Variants in SLC43A2 observed in about 807,000 individuals in gnomAD.
The protein encoded by SLC43A2 is solute carrier family 43 member 2.
SLC43A2 carries 38 observed loss-of-function variants against 63.2 expected under a neutral mutation model. The ratio of observed to expected loss-of-function variants is 0.60; its 90% CI spans 0.46 to 0.79. SLC43A2 has a LOEUF of 0.79. Ranked by LOEUF, SLC43A2 falls within the 30% of genes least tolerant of loss-of-function variation. The pLI, the probability that SLC43A2 is intolerant of heterozygous loss-of-function variation, is 0.00. For missense variants in SLC43A2, 644 were observed against 756.2 expected (o/e 0.85, Z 1.74); for synonymous variants, 322 against 331.0 (o/e 0.97, Z 0.30).
Position 1,593,096 on chromosome 17 carries a change from G to C in SLC43A2, c.594+91C>G, listed in dbSNP as rs1352398374. The C allele has an allele frequency of 7.9e-7, 1 of 1,271,872 alleles. No individual in the cohort carries two copies. The highest frequency in any genetic ancestry group is 1.3e-5 in the South Asian group (1 of 79,058). The allele number at this position is 1,271,872 out of a possible 1,614,324, so 78.8% of individuals were successfully genotyped here. A position where few individuals can be genotyped will look rare whatever the true frequency, so the allele number is the denominator to read the frequency against. On this transcript the variant is annotated intron_variant, in intron 6 of 13. Coordinates refer to ENST00000301335, the MANE Select transcript of SLC43A2 (RefSeq NM_152346.3). This position sits in a 1 kb window ranked among gnomAD's most constrained non-coding sequence, Gnocchi z 5.3. ...GGGGTGGTGGAGAGGGGCCACCCCG[G>C]GTGCCCACAATTGCCTCCCTCTTCA...
intron 2 of SLC43A2, among the ~76,000 whole-genome samples, chr17:1,620,647 G>T (rs1908073374): frequency 6.6e-6 from 1 of 152,080 alleles, no homozygotes; most frequent in African/African-American, 2.4e-5. Flanking sequence ...GGGCCGGGGA[G>T]GTGAGCGGCT....
At position 1,572,625 on chromosome 17, in the gene SLC43A2, G is replaced by A. The variant is rs1158785168; in HGVS notation, c.*2979C>T. ...TAGGATGGGTGACCCCTGACTAGGGGGTGGGAGTGCAGGGGGCACCCGACC... is the reference window on the plus strand; with the variant it reads ...TAGGATGGGTGACCCCTGACTAGGGAGTGGGAGTGCAGGGGGCACCCGACC... On this transcript the variant is annotated 3_prime_UTR_variant, in exon 14 of 14. Coordinates refer to ENST00000301335, the MANE Select transcript of SLC43A2 (RefSeq NM_152346.3). 1 of 152,348 alleles carries A rather than the reference G, an allele frequency of 6.6e-6. No individual in the cohort carries two copies. Among genetic ancestry groups the A allele is most frequent in the East Asian group, 1.9e-4 (1 of 5,198 alleles). 9.4% of individuals were successfully genotyped at this position (152,348 alleles called of 1,614,324 possible).
At position 1,627,936 on chromosome 17, in the gene SLC43A2, G is replaced by C; in HGVS notation, c.-46-16C>G. On this transcript the variant is annotated splice_polypyrimidine_tract_variant and intron_variant, in intron 1 of 13. Coordinates refer to ENST00000301335, the MANE Select transcript of SLC43A2 (RefSeq NM_152346.3). ...TCTGCACCACCTGCGCACAGAACTCGGCGTCAGCGGCCGGCCCTTGCCCAG... is the reference window on the plus strand; with the variant it reads ...TCTGCACCACCTGCGCACAGAACTCCGCGTCAGCGGCCGGCCCTTGCCCAG... 6.4e-6 allele frequency: 9 copies of C among 1,401,478 alleles called. No homozygotes were observed. The highest frequency in any genetic ancestry group is 6.5e-6 in the Non-Finnish European group (7 of 1,081,762). The allele number at this position is 1,401,478 out of a possible 1,614,324, so 86.8% of individuals were successfully genotyped here. A position where few individuals can be genotyped will look rare whatever the true frequency, so the allele number is the denominator to read the frequency against.
intron 11 of SLC43A2, among the ~76,000 whole-genome samples, chr17:1,580,331 G>A (rs1418926721): frequency 2.0e-5 from 3 of 152,182 alleles, no homozygotes; most frequent in Non-Finnish European, 2.9e-5. Context: ...CATGTGCACC[G>A]TGGAAGTCGG....
chr17:1,599,295 A>C (rs564830404), intron 5 of SLC43A2, among the ~76,000 whole-genome samples: 131 of 152,028 alleles, frequency 8.6e-4, no homozygotes, highest in Non-Finnish European at 1.7e-3. Flanking sequence ...AGCCAAGATC[A>C]TGCCACTGCA....
intron 2 of SLC43A2, among the ~76,000 whole-genome samples, chr17:1,621,371 C>A (rs540584754): frequency 1.2e-4 from 19 of 152,270 alleles, no homozygotes; most frequent in Admixed American, 7.9e-4. Context: ...CTTTCCGAGC[C>A]CCCCCTCCAG....
chr17:1,585,022 G>C (rs1171226971), intron 10 of SLC43A2, among the ~76,000 whole-genome samples: 1 of 151,864 alleles, frequency 6.6e-6, no homozygotes, highest in Non-Finnish European at 1.5e-5. Flanking sequence ...ACAAAGGGTT[G>C]GTGGGCTGCA....
At chr17:1,594,441 C>G (rs937802749) in intron 5 of SLC43A2, among the ~76,000 whole-genome samples, 1 of 152,190 alleles carries the variant, frequency 6.6e-6, no homozygotes, top group African/African-American at 2.4e-5. Context: ...CCTGTCCACA[C>G]CCAGCGTCCC....
Position 1,600,449 on chromosome 17 carries a change from C to A in SLC43A2, c.502-7170G>T, listed in dbSNP as rs571405525. ...TACAGGTATGAGCCACCGCGCCCTT[C>A]CAATATTTCATTTAACATAATTTCA... On this transcript the variant is annotated intron_variant, in intron 5 of 13. Coordinates refer to ENST00000301335, the MANE Select transcript of SLC43A2 (RefSeq NM_152346.3). 7.3e-4 allele frequency among the ~76,000 whole-genome samples: 109 copies of A among 150,242 alleles called. 1 individual carries two copies. The South Asian group carries it at 0.022, about 31-fold the overall frequency.
At chr17:1,591,829 A>G (rs953587533) in intron 6 of SLC43A2, 130 bp from the exon 7 acceptor site, 1 of 704,268 alleles carries the variant, frequency 1.4e-6, no homozygotes, top group Non-Finnish European at 2.4e-6. Flanking sequence ...AAAGAGGCAC[A>G]GCCCTGCCAG....
At chr17:1,597,504 A>AAAAAC (rs1905425208) in intron 5 of SLC43A2, among the ~76,000 whole-genome samples, 1 of 138,828 alleles carries the variant, frequency 7.2e-6, no homozygotes, top group South Asian at 2.3e-4. Context: ...GACTCAAAAA[A>AAAAAC]AAAAAAGAAA....
chr17:1,595,169 T>G (rs930842023), intron 5 of SLC43A2, among the ~76,000 whole-genome samples: 2 of 151,746 alleles, frequency 1.3e-5, no homozygotes, highest in African/African-American at 4.8e-5. Flanking sequence ...TAATCCCAGC[T>G]ACTTGGGAGG....
chr17:1,576,540 C>T (rs1375310272), intron 13 of SLC43A2, 57 bp downstream of exon 13: 22 of 1,545,052 alleles, frequency 1.4e-5, no homozygotes, highest in East Asian at 2.3e-5. Flanking sequence ...CCTTGCAGCT[C>T]GCAGTTAGCA....
intron 9 of SLC43A2, 80 bp from the exon 10 acceptor site, chr17:1,586,131 C>T: frequency 2.0e-6 from 3 of 1,489,344 alleles, no homozygotes; most frequent in East Asian, 4.9e-5. Context: ...TGGGAAGGGG[C>T]TGGTCCCCAC....
At chr17:1,613,535 C>T (rs1907319231) in intron 4 of SLC43A2, among the ~76,000 whole-genome samples, 1 of 152,178 alleles carries the variant, frequency 6.6e-6, no homozygotes, top group Non-Finnish European at 1.5e-5. Context: ...TCACTGCAAC[C>T]TCTGACTCCC....
chr17:1,577,000 G>C (rs955148112), intron 12 of SLC43A2, among the ~76,000 whole-genome samples: 1 of 152,066 alleles, frequency 6.6e-6, no homozygotes, highest in Admixed American at 6.6e-5. Flanking sequence ...TAGTAGCTGG[G>C]ATTACAGGCG....
chr17:1,629,817 A>G (rs1359521687), upstream of SLC43A2, among the ~76,000 whole-genome samples: 2 of 152,130 alleles, frequency 1.3e-5, no homozygotes, highest in Non-Finnish European at 2.9e-5. Flanking sequence ...CCCGTCTGAT[A>G]AGCCCGGGCT....
intron 9 of SLC43A2, 26 bp downstream of exon 9, chr17:1,590,776 C>T (rs1359757621): frequency 5.8e-6 from 9 of 1,549,870 alleles, no homozygotes; most frequent in African/African-American, 2.7e-5. Context: ...GGAGTGACAG[C>T]GACCGAGGCT....
intron 6 of SLC43A2, among the ~76,000 whole-genome samples, chr17:1,592,020 C>A (rs927748698): frequency 6.6e-6 from 1 of 152,250 alleles, no homozygotes; most frequent in Non-Finnish European, 1.5e-5. Flanking sequence ...GACGGTGCTC[C>A]TGGTCCGTCG....
Sources: gnomAD v4.1 joint callset for allele counts (sites outside exome capture counted in the v4.1 genomes callset) on GRCh38, gnomAD v4.1.1 for gene constraint, Gnocchi (gnomAD v3.1) non-coding constraint, MANE v1.5 for transcripts, NCBI Gene and HGNC (gene_info 2026-07-23, HGNC 2026-07-21) for gene names.